The following ESRRB variants were observed in gnomAD, a reference collection of about 807,000 sequenced individuals.
ESRRB encodes the protein estrogen related receptor beta, also known as steroid hormone receptor ERR2.
In ESRRB, 16 loss-of-function variants were observed where a neutral mutation model predicts 46.0. The observed-to-expected ratio is 0.35, with a 90% CI of 0.24 to 0.53. ESRRB has a LOEUF of 0.53. Ranked by LOEUF, ESRRB falls within the 20% of genes least tolerant of loss-of-function variation. ESRRB has a pLI of 0.93. For missense variants in ESRRB, 488 were observed against 607.4 expected, an observed-to-expected ratio of 0.80 and a Z score of 2.07; for synonymous variants, 246 against 259.6, an observed-to-expected ratio of 0.95 and a Z score of 0.50.
intron 5 of ESRRB, among the ~76,000 whole-genome samples, chr14:76,486,382 G>A (rs1890019137): frequency 6.6e-6 from 1 of 152,142 alleles, no homozygotes; most frequent in Non-Finnish European, 1.5e-5. Flanking sequence ...CTGCTCCCAG[G>A]TAGCCCCCAT....
In ESRRB at chr14:76,498,322, C is replaced by A. The variant is rs201714970; in HGVS notation, c.1229C>A (p.Thr410Lys). Reference protein sequence around the residue: ...LSQRHEEPWRTGKLLLTLPLL... With the variant: ...LSQRHEEPWRKGKLLLTLPLL... ...CAGCGCCATGAGGAGCCCTGGAGGA[C>A]GGGCAAGCTGCTGCTGACACTGCCG... Residue 410 changes from threonine to lysine, a missense_variant, in exon 7 of 7, where the codon ACG becomes AAG. Physicochemically the swap from Thr to Lys is moderately conservative, Grantham distance 78. Coordinates refer to ENST00000644823, the MANE Select transcript of ESRRB (RefSeq NM_001379180.1). 6.4e-7 allele frequency: 1 copy of A among 1,570,370 alleles called. No homozygotes were observed. The highest frequency in any genetic ancestry group is 8.7e-7 in the Non-Finnish European group (1 of 1,154,706).
intron 1 of ESRRB, among the ~76,000 whole-genome samples, chr14:76,329,218 A>C (rs1320914904): frequency 1.3e-5 from 2 of 152,120 alleles, no homozygotes; most frequent in Non-Finnish European, 2.9e-5. Flanking sequence ...CCCAGGAGAG[A>C]ACAAGGAGAA....
intron 1 of ESRRB, among the ~76,000 whole-genome samples, chr14:76,398,017 C>G (rs997317543): frequency 1.3e-5 from 2 of 152,190 alleles, no homozygotes; most frequent in African/African-American, 4.8e-5. Flanking sequence ...ACATGCAGGG[C>G]CTCATTGGAT....
At chr14:76,332,733 A>ATATT (rs1566853305) in intron 1 of ESRRB, among the ~76,000 whole-genome samples, 2 of 21,422 alleles carry the variant, frequency 9.3e-5, no homozygotes, top group Non-Finnish European at 1.5e-4. Context: ...ATATATTTAT[A>ATATT]TATTATATAT....
chr14:76,404,809 A>G (rs1886105230), intron 1 of ESRRB, among the ~76,000 whole-genome samples: 1 of 152,208 alleles, frequency 6.6e-6, no homozygotes, highest in Non-Finnish European at 1.5e-5. Flanking sequence ...AGAGATGATA[A>G]ATAGGGCACG....
chr14:76,485,017 T>G (rs971514492), intron 5 of ESRRB, among the ~76,000 whole-genome samples: 22 of 152,186 alleles, frequency 1.4e-4, no homozygotes, highest in African/African-American at 5.3e-4. Flanking sequence ...TCATTTATCC[T>G]TGTCCAAAGC....
At chr14:76,489,994 G>T (rs2019857) in intron 5 of ESRRB, among the ~76,000 whole-genome samples, 140,801 of 152,262 alleles carry the variant, frequency 0.92, 66,151 homozygotes, top group East Asian at 1. Flanking sequence ...GCCCAGCACT[G>T]TACATGCATC....
At chr14:76,370,173 A>C (rs192536607), upstream of ESRRB, among the ~76,000 whole-genome samples, 28 of 151,478 alleles carry the variant, frequency 1.8e-4, no homozygotes, top group East Asian at 5.4e-3. Context: ...GGATTACCTG[A>C]GGTCAGGAGT....
At chr14:76,433,609 C>A (rs1224497500) in intron 1 of ESRRB, among the ~76,000 whole-genome samples, 2 of 152,206 alleles carry the variant, frequency 1.3e-5, no homozygotes, top group East Asian at 3.8e-4. Flanking sequence ...TGAATGTGTT[C>A]ATGAAGGCAC....
intron 1 of ESRRB, among the ~76,000 whole-genome samples, chr14:76,421,135 C>T (rs545010529): frequency 1.4e-4 from 21 of 152,268 alleles, no homozygotes; most frequent in Middle Eastern, 3.4e-3. Context: ...TGGATCCAGC[C>T]GGAGGAGGAC....
chr14:76,422,748 A>G (rs1276175718), intron 1 of ESRRB, among the ~76,000 whole-genome samples: 1 of 152,232 alleles, frequency 6.6e-6, no homozygotes, highest in Non-Finnish European at 1.5e-5. Flanking sequence ...TGAGGAAACC[A>G]AGTCCTAGAG....
intron 1 of ESRRB, among the ~76,000 whole-genome samples, chr14:76,401,495 C>A (rs1230371495): frequency 6.6e-6 from 1 of 152,188 alleles, no homozygotes; most frequent in Non-Finnish European, 1.5e-5. Context: ...GAAACAGAAC[C>A]AATACGATGT....
intron 1 of ESRRB, among the ~76,000 whole-genome samples, chr14:76,420,543 C>G (rs1431395734): frequency 6.9e-6 from 1 of 144,396 alleles, no homozygotes; most frequent in Non-Finnish European, 1.5e-5. Flanking sequence ...AATAGGTCTT[C>G]TCCTACAGGG....
chr14:76,363,665 G>A (rs1053699739), intron 1 of ESRRB, among the ~76,000 whole-genome samples: 1 of 152,182 alleles, frequency 6.6e-6, no homozygotes, highest in Non-Finnish European at 1.5e-5. Flanking sequence ...GGCCCACACT[G>A]GCCTCCCAAA....
chr14:76,312,006 A>C (rs1595041371), intron 1 of ESRRB, among the ~76,000 whole-genome samples: 1 of 135,252 alleles, frequency 7.4e-6, no homozygotes, highest in Non-Finnish European at 1.6e-5. Context: ...ATGATGCCTA[A>C]TTTATACTTA....
Position 76,500,967 on chromosome 14 carries a change from C to T in ESRRB, c.*2509C>T. 1.8e-6 allele frequency: 1 copy of T among 568,812 alleles called. No homozygotes were observed. The highest frequency in any genetic ancestry group is 2.2e-5 in the South Asian group (1 of 46,374). The allele number at this position is 568,812 out of a possible 1,614,324, so 35.2% of individuals were successfully genotyped here. ...CCTGGTACTGAAGGGGTCCATTGGA[C>T]ACTCAGAAAAGAAGTTCAGGGGCCA... is the stretch of plus-strand genomic sequence containing the variant. On this transcript the variant is annotated 3_prime_UTR_variant, in exon 7 of 7. Transcript: ENST00000644823.
At chr14:76,470,631 A>C (rs1889342423) in intron 3 of ESRRB, among the ~76,000 whole-genome samples, 1 of 152,220 alleles carries the variant, frequency 6.6e-6, no homozygotes, top group Admixed American at 6.5e-5. Context: ...GTTGGTATGG[A>C]AAAAGGGAAT....
At chr14:76,490,205 G>A (rs187165601) in intron 5 of ESRRB, among the ~76,000 whole-genome samples, 9 of 152,306 alleles carry the variant, frequency 5.9e-5, no homozygotes, top group Non-Finnish European at 1.3e-4. Flanking sequence ...CAGCATGTCC[G>A]TGTTAGAACC....
chr14:76,414,970 A>G (rs188777363), intron 1 of ESRRB, among the ~76,000 whole-genome samples: 121 of 152,282 alleles, frequency 7.9e-4, no homozygotes, highest in African/African-American at 2.7e-3. Context: ...TTTAAATTCT[A>G]TGAAAACTCT....
Sources: allele counts gnomAD v4.1 joint callset (sites outside exome capture counted in the v4.1 genomes callset), GRCh38; gene constraint gnomAD v4.1.1; transcripts MANE v1.5; gene names NCBI Gene and HGNC (gene_info 2026-07-23, HGNC 2026-07-21).